Variants in CNTNAP5 observed in about 807,000 individuals in gnomAD.
The protein encoded by CNTNAP5 is contactin associated protein family member 5, also known as contactin-associated protein-like 5.
In CNTNAP5, 72 loss-of-function variants were observed where a neutral mutation model predicts 150.2. That is an observed-to-expected ratio of 0.48 (90% CI 0.40 to 0.58). The LOEUF (loss-of-function observed/expected upper bound fraction) is 0.58. Ranked by LOEUF, CNTNAP5 falls within the 20% of genes least tolerant of loss-of-function variation. The pLI is 0.00. For synonymous variants in CNTNAP5, 672 were observed against 619.8 expected (o/e 1.08, Z -1.25); for missense variants, 1,636 against 1,626.2 (o/e 1.01, Z -0.10).
chr2:124,894,613 G>A (rs1360407625), intron 21 of CNTNAP5, among the ~76,000 whole-genome samples: 3 of 150,222 alleles, frequency 2.0e-5, no homozygotes, highest in African/African-American at 7.5e-5. Flanking sequence ...GAATGCAATG[G>A]CCTGACGATG....
intron 1 of CNTNAP5, among the ~76,000 whole-genome samples, chr2:124,078,811 G>T (rs929352690): frequency 1.3e-5 from 2 of 152,072 alleles, no homozygotes; most frequent in African/African-American, 4.8e-5. Flanking sequence ...TCTGGAGAGG[G>T]ATGCAGGGAA....
chr2:124,071,387 T>A lies in CNTNAP5; in HGVS notation c.82+45655T>A, dbSNP rs190212345. On this transcript the variant is annotated intron_variant, in intron 1 of 23. Transcript: ENST00000682447. Reference sequence around the variant, plus strand: ...ATAAATAAAATTAAAATGAAAACAATGCAAAAAATTAACAAAATGAAAAGT... The same window carrying A: ...ATAAATAAAATTAAAATGAAAACAAAGCAAAAAATTAACAAAATGAAAAGT... Among the ~76,000 whole-genome samples, 7 of 151,498 alleles carry A rather than the reference T, an allele frequency of 4.6e-5. No homozygotes were observed. The East Asian group carries it at 1.2e-3, about 25-fold the overall frequency.
At chr2:124,647,554 G>A (rs557255773) in intron 12 of CNTNAP5, among the ~76,000 whole-genome samples, 17 of 152,280 alleles carry the variant, frequency 1.1e-4, no homozygotes, top group African/African-American at 3.1e-4. Flanking sequence ...AAAGGGCTCC[G>A]CAAATTGAGC....
chr2:124,749,967 C>T (rs1402988480), intron 14 of CNTNAP5, among the ~76,000 whole-genome samples: 1 of 152,164 alleles, frequency 6.6e-6, no homozygotes, highest in African/African-American at 2.4e-5. Context: ...ATTCCGCTCC[C>T]AGCCTCTCCC....
chr2:124,347,384 T>G (rs188453855), intron 3 of CNTNAP5, among the ~76,000 whole-genome samples: 2 of 152,286 alleles, frequency 1.3e-5, no homozygotes, highest in East Asian at 3.9e-4. Flanking sequence ...GCACAAGCCC[T>G]CTTTGTTGAG....
At chr2:124,912,821 C>CT (rs951914405) in intron 23 of CNTNAP5, among the ~76,000 whole-genome samples, 37 of 151,772 alleles carry the variant, frequency 2.4e-4, no homozygotes, top group African/African-American at 9.0e-4. Flanking sequence ...GCTGCTGACT[C>CT]TGACTATCCC....
At chr2:124,562,706 G>A (rs1409120158) in intron 10 of CNTNAP5, among the ~76,000 whole-genome samples, 3 of 152,044 alleles carry the variant, frequency 2.0e-5, no homozygotes, top group African/African-American at 7.2e-5. Context: ...AAATACCCTT[G>A]CATTTTAGAT....
chr2:124,187,612 C>T (rs889033530), intron 1 of CNTNAP5, among the ~76,000 whole-genome samples: 1 of 152,104 alleles, frequency 6.6e-6, no homozygotes, highest in Non-Finnish European at 1.5e-5. Flanking sequence ...CAGCATTTCT[C>T]AAAAACAAGG....
chr2:124,351,769 GA>G (rs1689879728), intron 3 of CNTNAP5, among the ~76,000 whole-genome samples: 1 of 152,050 alleles, frequency 6.6e-6, no homozygotes, highest in Non-Finnish European at 1.5e-5. Flanking sequence ...TTTTACTTGG[GA>G]ATAAAAGGAG....
In CNTNAP5 at chr2:124,905,882, T is replaced by C. The variant is rs1016819946; in HGVS notation, c.3655+2782T>C. ...TCTCTAGTTATCTAATACCTAATAC[T>C]TGGCCTTGAGTGATTTAAGGCAAGA... On this transcript the variant is annotated intron_variant, in intron 22 of 23. Transcript: ENST00000682447. Among the ~76,000 whole-genome samples the C allele has an allele frequency of 1.3e-5, 2 of 152,150 alleles. 1 individual carries two copies. The highest frequency in any genetic ancestry group is 1.3e-4 in the Admixed American group (2 of 15,266).
intron 3 of CNTNAP5, among the ~76,000 whole-genome samples, chr2:124,315,809 C>T (rs897594668): frequency 1.3e-5 from 2 of 151,826 alleles, no homozygotes; most frequent in African/African-American, 4.8e-5. Context: ...GTGATTACCA[C>T]TTTAGGAATT....
chr2:124,577,451 C>T (rs983606613), intron 11 of CNTNAP5, among the ~76,000 whole-genome samples: 6 of 152,168 alleles, frequency 3.9e-5, no homozygotes, highest in African/African-American at 1.4e-4. Flanking sequence ...TTGTACATCT[C>T]TCCTATTTTG....
At position 124,878,567 on chromosome 2, in the gene CNTNAP5, T is replaced by G. The variant is rs572486241; in HGVS notation, c.3436+8805T>G. 4.6e-5 allele frequency among the ~76,000 whole-genome samples: 7 copies of G among 152,216 alleles called. No homozygotes were observed. The East Asian group carries it at 1.2e-3, about 25-fold the overall frequency. Reference sequence around the variant, plus strand: ...AGTCTTTATGTAACAAAGCTTAAATTTTACTCTTCTCTCCCACTCTAGGGG... The same window carrying G: ...AGTCTTTATGTAACAAAGCTTAAATGTTACTCTTCTCTCCCACTCTAGGGG... On this transcript the variant is annotated intron_variant, in intron 21 of 23. Coordinates refer to ENST00000682447, the MANE Select transcript of CNTNAP5 (RefSeq NM_001367498.1).
chr2:124,213,726 TA>T (rs1553448159), intron 1 of CNTNAP5, among the ~76,000 whole-genome samples: 1 of 151,966 alleles, frequency 6.6e-6, no homozygotes, highest in Non-Finnish European at 1.5e-5. Flanking sequence ...CAGTCTGTTG[TA>T]AAAAAATATT....
At chr2:124,836,763 A>C (rs17012041) in intron 19 of CNTNAP5, among the ~76,000 whole-genome samples, 7,651 of 152,112 alleles carry the variant, frequency 0.05, 618 homozygotes, top group African/African-American at 0.17. Context: ...TATCTTCGTG[A>C]GTGTCAGTAT....
chr2:124,333,584 A>G (rs181891505), intron 3 of CNTNAP5, among the ~76,000 whole-genome samples: 22 of 152,332 alleles, frequency 1.4e-4, no homozygotes, highest in African/African-American at 4.1e-4. Flanking sequence ...TATACAAATG[A>G]GAGCCTATAA....
At chr2:124,768,705 C>T (rs1454176626) in intron 16 of CNTNAP5, among the ~76,000 whole-genome samples, 2 of 152,058 alleles carry the variant, frequency 1.3e-5, no homozygotes, top group South Asian at 2.1e-4. Flanking sequence ...GAGGACCCAC[C>T]CAGCTCTGTC....
chr2:124,198,462 T>C (rs184148483), intron 1 of CNTNAP5, among the ~76,000 whole-genome samples: 1 of 152,240 alleles, frequency 6.6e-6, no homozygotes, highest in East Asian at 1.9e-4. Flanking sequence ...TGCAGCTTTT[T>C]CATGAGTATA....
chr2:124,559,919 T>A (rs1213472018), intron 10 of CNTNAP5, among the ~76,000 whole-genome samples: 1 of 152,208 alleles, frequency 6.6e-6, no homozygotes, highest in Non-Finnish European at 1.5e-5. Context: ...TTTATTATTA[T>A]TTTTTCTTTC....
Sources: allele counts gnomAD v4.1 joint callset (sites outside exome capture counted in the v4.1 genomes callset), GRCh38; gene constraint gnomAD v4.1.1; transcripts MANE v1.5; gene names NCBI Gene and HGNC (gene_info 2026-07-23, HGNC 2026-07-21).